PRSS27: variants seen among roughly 807,000 people sequenced by gnomAD.
The protein encoded by PRSS27 is channel-activating protease 2.
PRSS27 carries 25 observed loss-of-function variants against 32.0 expected under a neutral mutation model. That is an observed-to-expected ratio of 0.78 (90% CI 0.57 to 1.09). The LOEUF is 1.09. Among genes scored for constraint, PRSS27 ranks in the 50% least tolerant of loss-of-function variants. The pLI is 0.00. For missense variants in PRSS27, 401 were observed against 394.9 expected, an observed-to-expected ratio of 1.02 and a Z score of -0.13; for synonymous variants, 178 against 172.2, an observed-to-expected ratio of 1.03 and a Z score of -0.26.
In PRSS27 at chr16:2,713,255, C is replaced by T. The variant is rs149365493; in HGVS notation, c.678+274G>A. On this transcript the variant is annotated intron_variant, in intron 5 of 5. Transcript: ENST00000302641. ...CTGGGACTACAGGCGCCCACCACCA[C>T]GCCTGGCTAATTTTTTGTATTTTTA... The T allele has an allele frequency of 2.7e-3, 1,261 of 473,244 alleles. 7 individuals carry two copies. The highest frequency in any genetic ancestry group is 0.019 in the African/African-American group (980 of 50,950). The allele number at this position is 473,244 out of a possible 1,614,324, so 29.3% of individuals were successfully genotyped here. A position where few individuals can be genotyped will look rare whatever the true frequency, so the allele number is the denominator to read the frequency against.
chr16:2,715,870 G>A lies in PRSS27; in HGVS notation c.84C>T (p.Arg28=), dbSNP rs116457077. The change falls in exon 3 of 6, where the codon CGC becomes CGT. Residue 28 remains arginine (R), a synonymous_variant. Coordinates refer to ENST00000302641, the MANE Select transcript of PRSS27 (RefSeq NM_031948.5). ...CCACCATTCGGTTCAGCATCCTGGGGCGACCACAGGCTGGGGGAGCATGGG... is the reference window on the plus strand; with the variant it reads ...CCACCATTCGGTTCAGCATCCTGGGACGACCACAGGCTGGGGGAGCATGGG... ...QRAKAATACG[R]PRMLNRMVGG... 1,243 of 1,580,042 alleles carry A rather than the reference G, an allele frequency of 7.9e-4. 8 individuals are homozygous for A. In the African/African-American group the frequency reaches 0.014, roughly 18 times the overall value.
chr16:2,717,220 T>G lies in PRSS27; in HGVS notation c.47-694A>C, dbSNP rs1361286381. The G allele has an allele frequency of 6.6e-6, 1 of 152,434 alleles. No individual in the cohort carries two copies. Among genetic ancestry groups the G allele is most frequent in the Non-Finnish European group, 1.5e-5 (1 of 68,276 alleles). The allele number at this position is 152,434 out of a possible 1,614,324, so 9.4% of individuals were successfully genotyped here. ...TTGGCAGACGAGGCCCAGGACCCCC[T>G]GCTGGGCTGTGCAAGGGGGCTTTGG... is the stretch of plus-strand genomic sequence containing the variant. On this transcript the variant is annotated intron_variant, in intron 1 of 5. Transcript: ENST00000302641. The surrounding 1 kb of genome is among the most constrained non-coding windows in gnomAD (Gnocchi z 4.1).
chr16:2,715,884 G>C lies in PRSS27; in HGVS notation c.74-4C>G. 4 of 1,556,722 alleles carry C rather than the reference G, an allele frequency of 2.6e-6. No homozygotes were observed. The highest frequency in any genetic ancestry group is 3.5e-6 in the Non-Finnish European group (4 of 1,149,658). On this transcript the variant is annotated splice_polypyrimidine_tract_variant and splice_region_variant and intron_variant, in intron 2 of 5. Transcript: ENST00000302641. Reference sequence around the variant, plus strand: ...AGCATCCTGGGGCGACCACAGGCTGGGGGAGCATGGGGAGCGGGTGGGGGC... The same window carrying C: ...AGCATCCTGGGGCGACCACAGGCTGCGGGAGCATGGGGAGCGGGTGGGGGC...
rs200857775 is a variant in PRSS27, at chr16:2,713,658, C to G, written c.549G>C (p.Val183=). The change falls in exon 5 of 6, where the codon GTG becomes GTC. Residue 183 remains valine (V), a synonymous_variant. Coordinates refer to ENST00000302641, the MANE Select transcript of PRSS27 (RefSeq NM_031948.5). ...TGCACTTGGGTGTGTCGATGATGGGCACAGCGAGTTTCTGCAGGATCCGCG... is the reference window on the plus strand; with the variant it reads ...TGCACTTGGGTGTGTCGATGATGGGGACAGCGAGTTTCTGCAGGATCCGCG... ...PEPRILQKLA[V]PIIDTPKCNL... 6.2e-7 allele frequency: 1 copy of G among 1,614,226 alleles called. No homozygotes were observed. The highest frequency in any genetic ancestry group is 8.5e-7 in the Non-Finnish European group (1 of 1,180,044).
chr16:2,719,564 G>A (rs965365733), intron 1 of PRSS27, among the ~76,000 whole-genome samples: 6 of 152,118 alleles, frequency 3.9e-5, no homozygotes, highest in African/African-American at 1.2e-4. Flanking sequence ...GCACGGTGGC[G>A]CATCACCGGT....
intron 2 of PRSS27, chr16:2,716,121 G>T: frequency 1.9e-6 from 1 of 529,736 alleles, no homozygotes; most frequent in East Asian, 3.1e-5. Context: ...CCTCTTGGGG[G>T]CCACGGAGGC....
At chr16:2,716,716 G>A in intron 1 of PRSS27, 190 bp from the exon 2 acceptor site, 1 of 610,906 alleles carries the variant, frequency 1.6e-6, no homozygotes, top group Non-Finnish European at 2.9e-6. Flanking sequence ...CGTATGCTCA[G>A]GCCCAGGCCC....
chr16:2,718,951 C>T (rs1445041557), intron 1 of PRSS27, among the ~76,000 whole-genome samples: 1 of 151,978 alleles, frequency 6.6e-6, no homozygotes, highest in Admixed American at 6.6e-5. Flanking sequence ...AAGCAACAGC[C>T]AGGGGTGCCG....
intron 5 of PRSS27, chr16:2,713,254 A>G (rs1386631336): frequency 1.7e-5 from 8 of 471,184 alleles, no homozygotes; most frequent in South Asian, 8.2e-5. Flanking sequence ...GCCCACCACC[A>G]CGCCTGGCTA....
intron 1 of PRSS27, 132 bp downstream of exon 1, chr16:2,719,983 C>G: frequency 1.2e-6 from 1 of 835,574 alleles, no homozygotes; most frequent in South Asian, 1.7e-5. Flanking sequence ...TGCTCAGGGG[C>G]AGGAGGGATG....
chr16:2,716,560 G>T, intron 1 of PRSS27, 34 bp from the exon 2 acceptor site: 1 of 1,585,518 alleles, frequency 6.3e-7, no homozygotes. Context: ...AGCCAGGCCA[G>T]CTGCAGCCTG....
rs905357008 is a variant in PRSS27 at position 2,715,868 on chromosome 16, G to T, written c.86C>A (p.Pro29His). The T allele has an allele frequency of 2.5e-6, 4 of 1,582,184 alleles. No individual in the cohort carries two copies. Among genetic ancestry groups the T allele is most frequent in the Non-Finnish European group, 3.4e-6 (4 of 1,163,136 alleles). Reference protein sequence around the residue: ...RAKAATACGRPRMLNRMVGGQ... With the variant: ...RAKAATACGRHRMLNRMVGGQ... ...GCCCACCATTCGGTTCAGCATCCTG[G>T]GGCGACCACAGGCTGGGGGAGCATG... The change falls in exon 3 of 6, where the codon CCC becomes CAC. Residue 29 changes from proline (P) to histidine (H), a missense_variant. Transcript: ENST00000302641.
chr16:2,716,152 G>A (rs2067701104), intron 2 of PRSS27: 1 of 546,598 alleles, frequency 1.8e-6, no homozygotes, highest in Admixed American at 3.2e-5. Flanking sequence ...CCCAGGGAAG[G>A]GTCTTGTCCC....
At chr16:2,719,089 G>A (rs1004131477) in intron 1 of PRSS27, among the ~76,000 whole-genome samples, 4 of 152,196 alleles carry the variant, frequency 2.6e-5, no homozygotes, top group Non-Finnish European at 5.9e-5. Context: ...TGGGAGTGAG[G>A]ACGTGTCCAG....
intron 5 of PRSS27, 195 bp downstream of exon 5, chr16:2,713,334 G>A (rs1462767153): frequency 1.3e-5 from 8 of 631,870 alleles, no homozygotes; most frequent in East Asian, 2.9e-5. Context: ...TCCTGACCTT[G>A]TGATCCACCC....
Position 2,720,106 on chromosome 16 carries a change from A to G in PRSS27, c.46+9T>C, listed in dbSNP as rs1046976380. 1.1e-5 allele frequency: 17 copies of G among 1,600,230 alleles called. No individual in the cohort carries two copies. The highest frequency in any genetic ancestry group is 1.0e-5 in the Non-Finnish European group (12 of 1,173,790). Reference sequence around the variant, plus strand: ...TGCACCACCAGGACCCTGCACCTTCACGACTCACCAAAACACAGCAGCAGC... The same window carrying G: ...TGCACCACCAGGACCCTGCACCTTCGCGACTCACCAAAACACAGCAGCAGC... On this transcript the variant is annotated intron_variant, in intron 1 of 5. Coordinates refer to ENST00000302641, the MANE Select transcript of PRSS27 (RefSeq NM_031948.5).
chr16:2,713,430 G>C, intron 5 of PRSS27, 99 bp downstream of exon 5: 2 of 1,281,986 alleles, frequency 1.6e-6, no homozygotes, highest in Non-Finnish European at 2.3e-6. Flanking sequence ...AAGCTGCTCA[G>C]CTGGTTGAAT....
In PRSS27 at chr16:2,716,485, G is replaced by T; in HGVS notation, c.73+15C>A. 2.5e-6 allele frequency: 4 copies of T among 1,603,404 alleles called. No homozygotes were observed. Among genetic ancestry groups the T allele is most frequent in the Non-Finnish European group, 3.4e-6 (4 of 1,176,642 alleles). ...CGGCTCCTGTCCCTCCCACCCCAGG[G>T]CCCTGGGTGCTTACCTGTTGCTGCC... On this transcript the variant is annotated intron_variant, in intron 2 of 5. Transcript: ENST00000302641.
rs1008612932 is a variant in PRSS27, at chr16:2,716,440, T to C, written c.73+60A>G. On this transcript the variant is annotated intron_variant, in intron 2 of 5. Transcript: ENST00000302641. Reference sequence around the variant, plus strand: ...GTTCCAAATTCCCTCTGGCCATGAGTGTCCCTGGCTCAGTCCAGCCGGCTC... The same window carrying C: ...GTTCCAAATTCCCTCTGGCCATGAGCGTCCCTGGCTCAGTCCAGCCGGCTC... 3.3e-6 allele frequency: 5 copies of C among 1,504,236 alleles called. No individual in the cohort carries two copies. The Admixed American group carries it at 5.5e-5, about 17-fold the overall frequency. The allele number at this position is 1,504,236 out of a possible 1,614,324, so 93.2% of individuals were successfully genotyped here. A position where few individuals can be genotyped will look rare whatever the true frequency, so the allele number is the denominator to read the frequency against.
Sources: allele counts gnomAD v4.1 joint callset (sites outside exome capture counted in the v4.1 genomes callset), GRCh38; gene constraint gnomAD v4.1.1; non-coding constraint Gnocchi (gnomAD v3.1); transcripts MANE v1.5; gene names NCBI Gene and HGNC (gene_info 2026-07-23, HGNC 2026-07-21).